The following PDK1 variants were observed in gnomAD, a reference collection of about 807,000 sequenced individuals.
PDK1 encodes the protein pyruvate dehydrogenase kinase 1.
PDK1 carries 39 observed loss-of-function variants against 54.2 expected under a neutral mutation model. The ratio of observed to expected loss-of-function variants is 0.72; its 90% CI spans 0.56 to 0.94. The LOEUF (loss-of-function observed/expected upper bound fraction) is 0.94. Ranked by LOEUF, PDK1 falls within the 40% of genes least tolerant of loss-of-function variation. The pLI is 0.00. For missense variants in PDK1, 552 were observed against 566.0 expected (o/e 0.98, Z 0.25); for synonymous variants, 221 against 207.1 (o/e 1.07, Z -0.58).
At position 172,595,994 on chromosome 2, in the gene PDK1, C is replaced by T. The variant is rs1180843145; in HGVS notation, c.*25C>T. ...GACACACTTGGGACATCGGAAAATC[C>T]AAATGTGGCTTTTGTATTAAATTTG... On this transcript the variant is annotated 3_prime_UTR_variant, in exon 11 of 11. Transcript: ENST00000282077. The T allele has an allele frequency of 2.5e-6, 4 of 1,583,786 alleles. No homozygotes were observed. The highest frequency in any genetic ancestry group is 3.4e-6 in the Non-Finnish European group (4 of 1,161,080).
chr2:172,673,281 T>C, the PDK1 span, among the ~76,000 whole-genome samples: 3 of 152,198 alleles, frequency 2.0e-5, no homozygotes, highest in South Asian at 4.1e-4. Context: ...CTGTGTTTAT[T>C]GGAGTTGTAC....
At position 172,596,818 on chromosome 2, in the gene PDK1, C is replaced by T. The variant is rs1448564723; in HGVS notation, c.*849C>T. 2 of 152,172 alleles carry T rather than the reference C, an allele frequency of 1.3e-5. No individual in the cohort carries two copies. Among genetic ancestry groups the T allele is most frequent in the African/African-American group, 4.8e-5 (2 of 41,448 alleles). The allele number at this position is 152,172 out of a possible 1,614,324, so 9.4% of individuals were successfully genotyped here. On this transcript the variant is annotated 3_prime_UTR_variant, in exon 11 of 11. Coordinates refer to ENST00000282077, the MANE Select transcript of PDK1 (RefSeq NM_002610.5). ...CTCCAGATACACTGAATCGGAATCC[C>T]TAGGGCTAGAGCCTAGAAATCTCAC...
chr2:172,593,072 T>C, intron 10 of PDK1, 24 bp downstream of exon 10: 1 of 1,171,258 alleles, frequency 8.5e-7, no homozygotes, highest in Middle Eastern at 2.0e-4. Context: ...TCTTCTTGAT[T>C]TAATATTTCT....
chr2:172,628,477 C>A, the PDK1 span, among the ~76,000 whole-genome samples: 1 of 152,186 alleles, frequency 6.6e-6, no homozygotes, highest in Non-Finnish European at 1.5e-5. Context: ...CCCTGCCCCC[C>A]ACTTCCCTTT....
rs1280097332 is a variant in PDK1, at chr2:172,558,685, T to A, written c.197-23T>A. 8 of 1,583,034 alleles carry A rather than the reference T, an allele frequency of 5.1e-6. No homozygotes were observed. In the East Asian group the frequency reaches 1.8e-4, roughly 36 times the overall value. ...TTCCTTATGGCTTTTACTTACTGCT[T>A]TACCCATCATGTTTGGTTTCAGGAT... is the stretch of plus-strand genomic sequence containing the variant. On this transcript the variant is annotated intron_variant, in intron 1 of 10. Transcript: ENST00000282077.
At chr2:172,616,958 T>C in the PDK1 span, among the ~76,000 whole-genome samples, 1 of 152,126 alleles carries the variant, frequency 6.6e-6, no homozygotes, top group Non-Finnish European at 1.5e-5. Flanking sequence ...TATTTTATTT[T>C]ATTTATTTTT....
chr2:172,672,822 G>T, the PDK1 span, among the ~76,000 whole-genome samples: 1 of 152,118 alleles, frequency 6.6e-6, no homozygotes, highest in Admixed American at 6.5e-5. Flanking sequence ...TCGCTCTGCT[G>T]CATTAAATCT....
the PDK1 span, among the ~76,000 whole-genome samples, chr2:172,651,774 G>T: frequency 6.6e-6 from 1 of 152,146 alleles, no homozygotes; most frequent in Non-Finnish European, 1.5e-5. Flanking sequence ...CCAGGAAGAA[G>T]TTGAATCTCT....
At chr2:172,665,990 G>A in the PDK1 span, among the ~76,000 whole-genome samples, 3 of 152,302 alleles carry the variant, frequency 2.0e-5, no homozygotes, top group East Asian at 5.8e-4. Context: ...CAGAAAAATA[G>A]TAGGAGCCTG....
Position 172,604,489 on chromosome 2 carries a change from A to G in PDK1, c.*8520A>G, listed in dbSNP as rs1237046254. On this transcript the variant is annotated 3_prime_UTR_variant, in exon 11 of 11. Transcript: ENST00000282077. The stretch of plus-strand genomic sequence containing the variant: ...GTATTTGCTTTTTTTTTAACTTACA[A>G]ATTTTTTTAAAAAAACGTTTTTCCT... The G allele has an allele frequency of 1.3e-5, 2 of 152,104 alleles. No individual in the cohort carries two copies. The highest frequency in any genetic ancestry group is 4.8e-5 in the African/African-American group (2 of 41,388). 9.4% of individuals were successfully genotyped at this position (152,104 alleles called of 1,614,324 possible).
chr2:172,704,125 A>T, the PDK1 span, among the ~76,000 whole-genome samples: 18 of 152,076 alleles, frequency 1.2e-4, no homozygotes, highest in Admixed American at 1.2e-3. Context: ...GAATACTGTA[A>T]AATAGGGTTT....
the PDK1 span, among the ~76,000 whole-genome samples, chr2:172,622,889 A>G: frequency 6.8e-6 from 1 of 147,878 alleles, no homozygotes; most frequent in Non-Finnish European, 1.5e-5. Context: ...TTTACATATT[A>G]TATGTAATAT....
At chr2:172,648,547 G>C in the PDK1 span, among the ~76,000 whole-genome samples, 2 of 152,286 alleles carry the variant, frequency 1.3e-5, no homozygotes, top group East Asian at 3.9e-4. Flanking sequence ...CGCCTCACCT[G>C]GGAAGCACAA....
At chr2:172,720,096 T>C in the PDK1 span, among the ~76,000 whole-genome samples, 1 of 136,990 alleles carries the variant, frequency 7.3e-6, no homozygotes, top group Admixed American at 7.6e-5. Context: ...CAAAGAGCTT[T>C]TCTCTCTCTC....
At chr2:172,720,123 T>TC in the PDK1 span, among the ~76,000 whole-genome samples, 1 of 150,192 alleles carries the variant, frequency 6.7e-6, no homozygotes, top group Non-Finnish European at 1.5e-5. Context: ...TCTCTTTTTT[T>TC]TTTTTTTTTG....
At chr2:172,689,601 A>T in the PDK1 span, among the ~76,000 whole-genome samples, 2 of 152,192 alleles carry the variant, frequency 1.3e-5, no homozygotes, top group Admixed American at 6.5e-5. Context: ...TTCAAACTAC[A>T]CTACAAGGCC....
the PDK1 span, chr2:172,723,460 T>C: frequency 6.6e-6 from 1 of 152,218 alleles, no homozygotes; most frequent in Non-Finnish European, 1.5e-5. Flanking sequence ...AAGAAGTTCA[T>C]GTAATTTCTA....
intron 9 of PDK1, among the ~76,000 whole-genome samples, chr2:172,586,964 A>G (rs535870657): frequency 6.6e-6 from 1 of 152,116 alleles, no homozygotes; most frequent in South Asian, 2.1e-4. Context: ...TCCCCCACAA[A>G]AAGTATGTTG....
At chr2:172,660,484 T>C in the PDK1 span, among the ~76,000 whole-genome samples, 2 of 151,840 alleles carry the variant, frequency 1.3e-5, no homozygotes, top group East Asian at 3.9e-4. Flanking sequence ...CTCGCACTCC[T>C]GAGCTCAGGC....
Sources: gnomAD v4.1 joint callset for allele counts (sites outside exome capture counted in the v4.1 genomes callset) on GRCh38, gnomAD v4.1.1 for gene constraint, MANE v1.5 for transcripts, NCBI Gene and HGNC (gene_info 2026-07-23, HGNC 2026-07-21) for gene names.